The following PARN variants were observed in gnomAD, a reference collection of about 807,000 sequenced individuals.
PARN encodes the protein poly(A)-specific ribonuclease PARN.
In PARN, 71 loss-of-function variants were observed where a neutral mutation model predicts 102.8. The ratio of observed to expected loss-of-function variants is 0.69; its 90% confidence interval spans 0.57 to 0.84. The LOEUF (loss-of-function observed/expected upper bound fraction) is 0.84, where lower values mean the gene tolerates loss of function less well. Among genes scored for constraint, PARN ranks in the 40% least tolerant of loss-of-function variants. The pLI, the probability that PARN is intolerant of heterozygous loss-of-function variation, is 0.00. For synonymous variants in PARN, 261 were observed against 252.9 expected (o/e 1.03, Z -0.30); for missense variants, 782 against 760.9 (o/e 1.03, Z -0.33).
chr16:14,586,516 A>G (rs1969866089), intron 13 of PARN, among the ~76,000 whole-genome samples, 155 bp from the exon 14 acceptor site: 1 of 152,190 alleles, frequency 6.6e-6, no homozygotes. Context: ...AACAAGTACA[A>G]AAAAAACACA....
At chr16:14,622,548 A>C (rs1972377172) in intron 5 of PARN, among the ~76,000 whole-genome samples, 1 of 152,256 alleles carries the variant, frequency 6.6e-6, no homozygotes, top group Non-Finnish European at 1.5e-5. Flanking sequence ...TCTGTCACCC[A>C]GGCTGGAGCG....
chr16:14,548,125 G>C (rs1475003403), intron 21 of PARN, among the ~76,000 whole-genome samples: 1 of 151,908 alleles, frequency 6.6e-6, no homozygotes, highest in Non-Finnish European at 1.5e-5. Flanking sequence ...GCACGCACCT[G>C]TAGTCCCAGC....
At chr16:14,577,289 T>G (rs987209755) in intron 18 of PARN, among the ~76,000 whole-genome samples, 11 of 152,188 alleles carry the variant, frequency 7.2e-5, no homozygotes, top group African/African-American at 2.4e-4. Flanking sequence ...AGGGTAACCA[T>G]GAAAAATGAC....
chr16:14,611,205 G>A (rs1271629811), intron 6 of PARN, among the ~76,000 whole-genome samples: 2 of 152,330 alleles, frequency 1.3e-5, no homozygotes, highest in African/African-American at 2.4e-5. Flanking sequence ...GGGGAAACAA[G>A]TATTAATACC....
intron 21 of PARN, among the ~76,000 whole-genome samples, chr16:14,534,542 T>A (rs1966526085): frequency 6.6e-6 from 1 of 152,180 alleles, no homozygotes; most frequent in East Asian, 1.9e-4. Context: ...ATGAGTTCAT[T>A]TCCCCCCCTA....
At chr16:14,614,475 A>C (rs1385622665) in intron 6 of PARN, among the ~76,000 whole-genome samples, 1 of 152,218 alleles carries the variant, frequency 6.6e-6, no homozygotes, top group African/African-American at 2.4e-5. Context: ...AGCCAAGGCT[A>C]AGATGCACGC....
chr16:14,436,005 C>T lies in PARN; in HGVS notation c.*712G>A, dbSNP rs1960677081. The stretch of plus-strand genomic sequence containing the variant: ...CGCCATCCAAACAAACGAACAGAGA[C>T]TCTGGAAAGTGAACACAGCGCCACG... On this transcript the variant is annotated 3_prime_UTR_variant, in exon 24 of 24. Coordinates refer to ENST00000437198, the MANE Select transcript of PARN (RefSeq NM_002582.4). The T allele has an allele frequency of 6.6e-6, 1 of 152,038 alleles. No homozygotes were observed. The highest frequency in any genetic ancestry group is 6.6e-5 in the Admixed American group (1 of 15,232). 9.4% of individuals were successfully genotyped at this position (152,038 alleles called of 1,614,324 possible). A position where few individuals can be genotyped will look rare whatever the true frequency, so the allele number is the denominator to read the frequency against.
intron 23 of PARN, among the ~76,000 whole-genome samples, chr16:14,444,863 A>C (rs1190183149): frequency 6.6e-6 from 1 of 152,126 alleles, no homozygotes; most frequent in African/African-American, 2.4e-5. Context: ...TGTGTCCCCC[A>C]GGTTGGAGTG....
At chr16:14,584,491 G>C (rs1488423536) in intron 15 of PARN, 69 bp from the exon 16 acceptor site, 1 of 1,230,498 alleles carries the variant, frequency 8.1e-7, no homozygotes, top group African/African-American at 1.5e-5. Flanking sequence ...GAGATTCACT[G>C]ACCCCCCCAA....
chr16:14,607,820 C>A (rs1391263497), intron 9 of PARN, among the ~76,000 whole-genome samples: 2 of 152,124 alleles, frequency 1.3e-5, no homozygotes, highest in Non-Finnish European at 2.9e-5. Context: ...GTTGAAGACC[C>A]ACCTGCAAAC....
intron 22 of PARN, among the ~76,000 whole-genome samples, chr16:14,450,093 A>G (rs1961384493): frequency 6.6e-6 from 1 of 152,272 alleles, no homozygotes; most frequent in Non-Finnish European, 1.5e-5. Context: ...TGAATACGCA[A>G]CAGTACATAC....
intron 21 of PARN, 147 bp from the exon 22 acceptor site, chr16:14,482,974 T>C (rs1963466904): frequency 1.7e-6 from 1 of 574,204 alleles, no homozygotes; most frequent in East Asian, 3.1e-5. Context: ...GGAAGACAAA[T>C]GACCTTGGGT....
chr16:14,591,785 C>T (rs1000118019), intron 13 of PARN: 2 of 152,144 alleles, frequency 1.3e-5, no homozygotes, highest in African/African-American at 4.8e-5. Flanking sequence ...CACCTGTAAT[C>T]CCAGCACTTT....
At chr16:14,627,751 G>A (rs922071822) in intron 3 of PARN, among the ~76,000 whole-genome samples, 7 of 152,202 alleles carry the variant, frequency 4.6e-5, no homozygotes, top group Admixed American at 2.0e-4. Context: ...ACTTTGGGAG[G>A]CTAAAGCAGG....
rs1359353240 is a variant in PARN at position 14,436,680 on chromosome 16, G to A, written c.*37C>T. Reference sequence around the variant, plus strand: ...ATGTGCCAGCCGGCTCTTGCTCACAGCGACAGCACCAGCGGTTTGCTGCCC... The same window carrying A: ...ATGTGCCAGCCGGCTCTTGCTCACAACGACAGCACCAGCGGTTTGCTGCCC... On this transcript the variant is annotated 3_prime_UTR_variant, in exon 24 of 24. Transcript: ENST00000437198. 6.6e-7 allele frequency: 1 copy of A among 1,510,736 alleles called. No individual in the cohort carries two copies. Among genetic ancestry groups the A allele is most frequent in the Non-Finnish European group, 9.1e-7 (1 of 1,099,514 alleles). 93.6% of individuals were successfully genotyped at this position (1,510,736 alleles called of 1,614,324 possible).
chr16:14,537,493 T>G (rs1368808600), intron 21 of PARN, among the ~76,000 whole-genome samples: 2 of 152,216 alleles, frequency 1.3e-5, no homozygotes, highest in African/African-American at 4.8e-5. Context: ...CCATGTTTAC[T>G]GCAGCACTAT....
intron 21 of PARN, among the ~76,000 whole-genome samples, chr16:14,491,010 G>C (rs1230122381): frequency 6.6e-6 from 1 of 151,956 alleles, no homozygotes; most frequent in African/African-American, 2.4e-5. Flanking sequence ...GATCTCAGAT[G>C]TATTTCCCCT....
At chr16:14,497,517 A>T (rs1055919168) in intron 21 of PARN, among the ~76,000 whole-genome samples, 1 of 152,184 alleles carries the variant, frequency 6.6e-6, no homozygotes, top group African/African-American at 2.4e-5. Flanking sequence ...ACACTTTTGG[A>T]CCTAGCTAAC....
intron 19 of PARN, among the ~76,000 whole-genome samples, chr16:14,555,174 A>G (rs1247986677): frequency 2.6e-5 from 4 of 152,190 alleles, no homozygotes; most frequent in African/African-American, 7.2e-5. Flanking sequence ...GCAGTGAAAT[A>G]GCAGAAAAAA....
Sources: allele counts gnomAD v4.1 joint callset (sites outside exome capture counted in the v4.1 genomes callset), GRCh38; gene constraint gnomAD v4.1.1; transcripts MANE v1.5; gene names NCBI Gene and HGNC (gene_info 2026-07-23, HGNC 2026-07-21).